USP53: variants seen among roughly 807,000 people sequenced by gnomAD.
USP53 encodes the protein ubiquitin carboxyl-terminal hydrolase 53.
Under a neutral mutation model 94.9 loss-of-function variants are expected in USP53, and 71 were observed. The ratio of observed to expected loss-of-function variants is 0.75; its 90% CI spans 0.62 to 0.91. The LOEUF is 0.91. Among genes scored for constraint, USP53 ranks in the 40% least tolerant of loss-of-function variants. USP53 has a pLI of 0.00. For synonymous variants in USP53, 375 were observed against 422.7 expected (o/e 0.89, Z 1.39); for missense variants, 1,173 against 1,281.0 (o/e 0.92, Z 1.29).
Position 119,291,278 on chromosome 4 carries a change from TC to T in USP53, c.2348+20del. 5 of 1,484,632 alleles carry T rather than the reference TC, an allele frequency of 3.4e-6. No individual in the cohort carries two copies. Among genetic ancestry groups the T allele is most frequent in the East Asian group, 2.3e-5 (1 of 43,196 alleles). 92.0% of individuals were successfully genotyped at this position (1,484,632 alleles called of 1,614,324 possible). The stretch of plus-strand genomic sequence containing the variant: ...GATAAAAAGGTAACCATATTTTTTT[TC>T]CCTAAATACATGTATTATAGGCACG... On this transcript the variant is annotated intron_variant, in intron 18 of 18. Transcript: ENST00000692078.
At chr4:119,280,430 T>C (rs1005084494) in intron 17 of USP53, among the ~76,000 whole-genome samples, 1 of 152,206 alleles carries the variant, frequency 6.6e-6, no homozygotes, top group Non-Finnish European at 1.5e-5. Flanking sequence ...CATATTCTGA[T>C]AGCTTAGAAA....
At position 119,217,414 on chromosome 4, in the gene USP53, T is replaced by G. The variant is rs560430448; in HGVS notation, c.-788-136T>G. The G allele has an allele frequency of 2.0e-5, 3 of 152,328 alleles. 1 individual carries two copies. The highest frequency in any genetic ancestry group is 2.0e-4 in the Admixed American group (3 of 15,298). The allele number at this position is 152,328 out of a possible 1,614,324, so 9.4% of individuals were successfully genotyped here. On this transcript the variant is annotated intron_variant, in intron 2 of 18. Transcript: ENST00000692078. ...CAGATGGTAGGAAATTGTCCTATAC[T>G]TTAGTGCCTAGGTTGTCTTTGTTAG... is the stretch of plus-strand genomic sequence containing the variant.
At chr4:119,255,648 T>G (rs1033975099) in intron 7 of USP53, among the ~76,000 whole-genome samples, 2 of 152,154 alleles carry the variant, frequency 1.3e-5, no homozygotes, top group African/African-American at 4.8e-5. Context: ...TCCAGGTACA[T>G]TCACTCACAG....
rs12642076 is a variant in USP53, at chr4:119,213,662, G to A, written c.-941-408G>A. On this transcript the variant is annotated intron_variant, in intron 1 of 18. Transcript: ENST00000692078. Reference sequence around the variant, plus strand: ...AATAGATATATATATATATATATATGTGTGTGTGTGTATGTATGTATGTAT... The same window carrying A: ...AATAGATATATATATATATATATATATGTGTGTGTGTATGTATGTATGTAT... Among the ~76,000 whole-genome samples, 621 of 80,178 alleles carry A rather than the reference G, an allele frequency of 7.7e-3. 13 individuals are homozygous for A. The highest frequency in any genetic ancestry group is 0.026 in the African/African-American group (448 of 17,350). 52.6% of individuals were successfully genotyped at this position (80,178 alleles called of 152,430 possible).
chr4:119,289,595 T>G (rs1754503172), intron 17 of USP53, among the ~76,000 whole-genome samples: 1 of 152,200 alleles, frequency 6.6e-6, no homozygotes, highest in Non-Finnish European at 1.5e-5. Flanking sequence ...TAAAATAATT[T>G]TATACAGTTT....
At chr4:119,246,002 A>C (rs1748180348) in intron 6 of USP53, among the ~76,000 whole-genome samples, 2 of 152,170 alleles carry the variant, frequency 1.3e-5, no homozygotes, top group Admixed American at 1.3e-4. Flanking sequence ...CAGCAACTGC[A>C]AAGGCCTTGA....
At chr4:119,270,166 C>T (rs1751670377) in intron 15 of USP53, among the ~76,000 whole-genome samples, 1 of 151,374 alleles carries the variant, frequency 6.6e-6, no homozygotes, top group Admixed American at 6.6e-5. Context: ...ACAATCATAG[C>T]TCTCTGCAGT....
At chr4:119,231,485 C>T (rs1746070857) in intron 3 of USP53, among the ~76,000 whole-genome samples, 1 of 151,990 alleles carries the variant, frequency 6.6e-6, no homozygotes, top group Admixed American at 6.6e-5. Flanking sequence ...CCCTTTTATC[C>T]TCACCAACAG....
At chr4:119,279,229 G>C (rs1166199442) in intron 17 of USP53, among the ~76,000 whole-genome samples, 20 of 122,738 alleles carry the variant, frequency 1.6e-4, no homozygotes, top group African/African-American at 5.6e-4. Context: ...CATCTTTGTG[G>C]TTTTATCTAC....
chr4:119,280,373 C>G (rs1345564931), intron 17 of USP53, among the ~76,000 whole-genome samples: 1 of 152,048 alleles, frequency 6.6e-6, no homozygotes, highest in Non-Finnish European at 1.5e-5. Flanking sequence ...TAACACTTTA[C>G]TTTTACTTAA....
At chr4:119,267,180 T>G in intron 12 of USP53, 140 bp from the exon 13 acceptor site, 1 of 587,270 alleles carries the variant, frequency 1.7e-6, no homozygotes, top group African/African-American at 1.9e-5. Context: ...TACAGTTAAT[T>G]ATATGATACA....
chr4:119,279,827 G>A (rs565637161), intron 17 of USP53, among the ~76,000 whole-genome samples: 3 of 152,320 alleles, frequency 2.0e-5, no homozygotes, highest in South Asian at 2.1e-4. Context: ...AAGCCGGTCC[G>A]AAAAGCGCAA....
chr4:119,220,992 G>T (rs1452174631), intron 3 of USP53: 1 of 152,150 alleles, frequency 6.6e-6, no homozygotes, highest in African/African-American at 2.4e-5. Context: ...ATCACCTGGA[G>T]GATGGTGAAG....
chr4:119,226,509 TATA>T (rs770365009), intron 3 of USP53, among the ~76,000 whole-genome samples: 19 of 152,156 alleles, frequency 1.2e-4, no homozygotes, highest in Non-Finnish European at 2.1e-4. Context: ...CATCATTTAC[TATA>T]ATGTCAAAAA....
chr4:119,238,191 C>T (rs578052231), intron 4 of USP53, among the ~76,000 whole-genome samples: 1 of 152,334 alleles, frequency 6.6e-6, no homozygotes, highest in Admixed American at 6.5e-5. Flanking sequence ...ACCTTTCTGC[C>T]TGTCTCAACT....
chr4:119,259,280 C>CAA (rs11348254), intron 9 of USP53, among the ~76,000 whole-genome samples: 6 of 119,412 alleles, frequency 5.0e-5, no homozygotes, highest in African/African-American at 9.4e-5. Flanking sequence ...GACCCCATCT[C>CAA]AAAAAAAAAA....
chr4:119,254,796 G>C (rs1749531732), intron 7 of USP53, among the ~76,000 whole-genome samples: 1 of 152,160 alleles, frequency 6.6e-6, no homozygotes, highest in Non-Finnish European at 1.5e-5. Flanking sequence ...TGAAGGAGAA[G>C]AGACATTCTG....
intron 5 of USP53, 45 bp from the exon 6 acceptor site, chr4:119,245,292 A>T: frequency 6.3e-7 from 1 of 1,584,576 alleles, no homozygotes; most frequent in South Asian, 1.1e-5. Context: ...TACAGTAAGA[A>T]AAATTTGTTT....
At chr4:119,247,341 A>T (rs2149345989) in intron 6 of USP53, among the ~76,000 whole-genome samples, 1 of 152,114 alleles carries the variant, frequency 6.6e-6, no homozygotes, top group South Asian at 2.1e-4. Flanking sequence ...TCTCATTGTT[A>T]TTCCTTTTGT....
Sources: allele counts gnomAD v4.1 joint callset (sites outside exome capture counted in the v4.1 genomes callset), GRCh38; gene constraint gnomAD v4.1.1; transcripts MANE v1.5; gene names NCBI Gene and HGNC (gene_info 2026-07-23, HGNC 2026-07-21).